Variants in CSMD2 observed in about 807,000 individuals in gnomAD.
The protein encoded by CSMD2 is CUB and sushi domain-containing protein 2.
A neutral mutation model predicts 398.5 loss-of-function variants in CSMD2; 130 were observed. The observed-to-expected ratio is 0.33, with a 90% CI of 0.28 to 0.38. The LOEUF is 0.38. Among genes scored for constraint, CSMD2 ranks in the 10% least tolerant of loss-of-function variants. The probability of loss-of-function intolerance (pLI) is 1.00; values close to 1 mark genes in which losing one functional copy is unlikely to be tolerated. For synonymous variants in CSMD2, 1,828 were observed against 1,908.5 expected (o/e 0.96, Z 1.10); for missense variants, 3,829 against 4,764.9 (o/e 0.80, Z 5.78).
intron 5 of CSMD2, among the ~76,000 whole-genome samples, chr1:33,895,549 C>A (rs995502955): frequency 1.3e-5 from 2 of 152,154 alleles, no homozygotes; most frequent in African/African-American, 4.8e-5. Flanking sequence ...AGGTTAGCAG[C>A]AGCAGGGCCA....
At chr1:33,560,584 T>C in intron 53 of CSMD2, among the ~76,000 whole-genome samples, 1 of 152,222 alleles carries the variant, frequency 6.6e-6, no homozygotes, top group South Asian at 2.1e-4. Context: ...CCTGCCCTCT[T>C]CTTCTCAGGT....
At chr1:33,607,983 G>C (rs1380617279) in intron 41 of CSMD2, among the ~76,000 whole-genome samples, 1 of 152,226 alleles carries the variant, frequency 6.6e-6, no homozygotes. Flanking sequence ...GACTGGGCCT[G>C]TGGAGGCTGC....
intron 27 of CSMD2, among the ~76,000 whole-genome samples, chr1:33,653,189 T>C (rs1643857077): frequency 6.6e-6 from 1 of 151,978 alleles, no homozygotes. Flanking sequence ...CTCTGTGGGG[T>C]GGTTGTAAAG....
intron 53 of CSMD2, among the ~76,000 whole-genome samples, chr1:33,566,147 T>C (rs1358158064): frequency 1.3e-5 from 2 of 151,432 alleles, no homozygotes; most frequent in African/African-American, 4.8e-5. Context: ...TTTAAAACCA[T>C]AATCCAAGAA....
At chr1:33,757,986 A>G (rs559280713) in intron 13 of CSMD2, among the ~76,000 whole-genome samples, 8 of 152,208 alleles carry the variant, frequency 5.3e-5, no homozygotes. Flanking sequence ...TGAAACTCAC[A>G]AATTCTTTTG....
chr1:33,754,410 G>C (rs1027583923), intron 13 of CSMD2, among the ~76,000 whole-genome samples: 2 of 152,144 alleles, frequency 1.3e-5, no homozygotes, highest in African/African-American at 4.8e-5. Context: ...TGCCATAATT[G>C]TAAGCTTCCT....
At chr1:33,826,418 CTTGCAT>C (rs1658828098) in intron 6 of CSMD2, among the ~76,000 whole-genome samples, 1 of 152,218 alleles carries the variant, frequency 6.6e-6, no homozygotes, top group Admixed American at 6.5e-5. Flanking sequence ...GGCTTGGCCT[CTTGCAT>C]CTCTGCCATC....
Position 33,605,258 on chromosome 1 carries a change from G to T in CSMD2, c.6532+24C>A, listed in dbSNP as rs1268945056. On this transcript the variant is annotated intron_variant, in intron 42 of 70. Transcript: ENST00000373381. ...CTCCACGAGTACCCCAGGAAGAACT[G>T]CTGGGGATGAGGGAGCGACATACCT... 5.0e-6 allele frequency: 8 copies of T among 1,606,838 alleles called. No homozygotes were observed. In the East Asian group the frequency reaches 6.7e-5, roughly 13 times the overall value.
At chr1:33,604,828 T>C (rs114636294) in intron 42 of CSMD2, among the ~76,000 whole-genome samples, 2,417 of 152,066 alleles carry the variant, frequency 0.016, 64 homozygotes, top group African/African-American at 0.053. Context: ...GAGAGTATAA[T>C]GGAGCAGGGA....
rs569977319 is a variant in CSMD2, at chr1:34,115,679, C to T, written c.188-26486G>A. On this transcript the variant is annotated intron_variant, in intron 1 of 70. Transcript: ENST00000373381. The stretch of plus-strand genomic sequence containing the variant: ...AAATAAATATATAGACAAATAGAAT[C>T]TTGTAATACTATAATAGTGATGCCT... Among the ~76,000 whole-genome samples, 8 of 152,040 alleles carry T rather than the reference C, an allele frequency of 5.3e-5. No individual in the cohort carries two copies. The East Asian group carries it at 1.4e-3, about 26-fold the overall frequency.
chr1:34,060,288 A>C (rs1268068537), intron 2 of CSMD2, among the ~76,000 whole-genome samples: 1 of 152,222 alleles, frequency 6.6e-6, no homozygotes, highest in Non-Finnish European at 1.5e-5. Flanking sequence ...AAATCAATGC[A>C]TAAGTGTGTG....
At chr1:33,913,856 T>A (rs1643588020) in intron 5 of CSMD2, among the ~76,000 whole-genome samples, 1 of 151,882 alleles carries the variant, frequency 6.6e-6, no homozygotes, top group Admixed American at 6.6e-5. Context: ...GAGTGTTGGG[T>A]ATGAGACAGA....
chr1:33,705,659 T>A (rs987417311), intron 22 of CSMD2, among the ~76,000 whole-genome samples: 13 of 152,196 alleles, frequency 8.5e-5, no homozygotes, highest in African/African-American at 2.9e-4. Context: ...AGATTTTTTT[T>A]AATATTAGTA....
At chr1:33,982,862 C>T (rs756970017) in intron 3 of CSMD2, among the ~76,000 whole-genome samples, 3 of 152,190 alleles carry the variant, frequency 2.0e-5, no homozygotes, top group African/African-American at 7.2e-5. Context: ...AGGCTTTGTA[C>T]ATCCAAGACA....
chr1:33,931,772 T>G (rs1002109252), intron 4 of CSMD2, among the ~76,000 whole-genome samples: 1 of 152,186 alleles, frequency 6.6e-6, no homozygotes, highest in African/African-American at 2.4e-5. Flanking sequence ...CTAAGGAATC[T>G]GAACTAGACC....
At chr1:33,600,104 GC>G (rs1323349097) in intron 44 of CSMD2, 1 of 700,896 alleles carries the variant, frequency 1.4e-6, no homozygotes, top group Non-Finnish European at 2.6e-6. Flanking sequence ...CAAACTCCAA[GC>G]CGGTAATTCT....
intron 56 of CSMD2, among the ~76,000 whole-genome samples, chr1:33,546,636 G>T (rs534290627): frequency 6.6e-6 from 1 of 152,132 alleles, no homozygotes; most frequent in Non-Finnish European, 1.5e-5. Context: ...ACTCTTGCAA[G>T]AGCCTCCCGA....
chr1:33,570,217 G>C (rs1659470172), intron 51 of CSMD2, among the ~76,000 whole-genome samples: 1 of 147,626 alleles, frequency 6.8e-6, no homozygotes, highest in African/African-American at 2.5e-5. Flanking sequence ...GTCCAGGCTG[G>C]AGTGCAGTGG....
intron 3 of CSMD2, among the ~76,000 whole-genome samples, chr1:33,982,199 T>TG (rs1009726843): frequency 2.0e-5 from 3 of 151,846 alleles, no homozygotes; most frequent in Non-Finnish European, 2.9e-5. Flanking sequence ...CCAGTTTTCT[T>TG]GGGGGGCTAC....
Sources: allele counts gnomAD v4.1 joint callset (sites outside exome capture counted in the v4.1 genomes callset), GRCh38; gene constraint gnomAD v4.1.1; transcripts MANE v1.5; gene names NCBI Gene and HGNC (gene_info 2026-07-23, HGNC 2026-07-21).